Variants in EXT2 observed in about 807,000 individuals in gnomAD.
EXT2 encodes the protein exostosin-2.
EXT2 carries 53 observed loss-of-function variants against 81.6 expected under a neutral mutation model. The ratio of observed to expected loss-of-function variants is 0.65; its 90% CI spans 0.52 to 0.82. EXT2 has a LOEUF of 0.82. Among genes scored for constraint, EXT2 ranks in the 40% least tolerant of loss-of-function variants. The pLI is 0.00. For synonymous variants in EXT2, 320 were observed against 340.0 expected (o/e 0.94, Z 0.65); for missense variants, 774 against 910.2 (o/e 0.85, Z 1.93).
chr11:44,108,843 G>A (rs1460407994), intron 2 of EXT2, among the ~76,000 whole-genome samples: 3 of 152,022 alleles, frequency 2.0e-5, no homozygotes, highest in East Asian at 1.9e-4. Flanking sequence ...AACTTTAAGG[G>A]TTGCATAGTA....
chr11:44,178,600 C>T (rs968104095), intron 8 of EXT2, among the ~76,000 whole-genome samples: 5 of 152,154 alleles, frequency 3.3e-5, no homozygotes, highest in African/African-American at 7.2e-5. Context: ...ATAAATCACT[C>T]TGCAAGCTGA....
chr11:44,223,712 G>A (rs1168315477), intron 10 of EXT2, among the ~76,000 whole-genome samples: 3 of 149,466 alleles, frequency 2.0e-5, no homozygotes, highest in African/African-American at 7.4e-5. Context: ...GTGTAGTGGC[G>A]TGATCTCCGC....
chr11:44,112,152 T>C (rs1042006248), intron 3 of EXT2, among the ~76,000 whole-genome samples: 3 of 152,300 alleles, frequency 2.0e-5, no homozygotes, highest in Non-Finnish European at 2.9e-5. Flanking sequence ...AGCCTCACTG[T>C]GTTTAGGCAC....
intron 10 of EXT2, among the ~76,000 whole-genome samples, chr11:44,210,591 ATGGTTTTAC>A (rs1408674922): frequency 6.6e-6 from 1 of 152,158 alleles, no homozygotes; most frequent in African/African-American, 2.4e-5. Flanking sequence ...AATTGGGGTA[ATGGTTTTAC>A]TGGTGTATAC....
At chr11:44,231,850 A>T (rs1354216305) in intron 10 of EXT2, among the ~76,000 whole-genome samples, 2 of 152,200 alleles carry the variant, frequency 1.3e-5, no homozygotes, top group African/African-American at 4.8e-5. Context: ...ACAGAATCAG[A>T]CAGCCCTTCT....
At chr11:44,171,530 C>G in intron 7 of EXT2, 81 bp from the exon 8 acceptor site, 1 of 1,605,442 alleles carries the variant, frequency 6.2e-7, no homozygotes, top group South Asian at 1.1e-5. Context: ...TTAGCCTAAC[C>G]TGGAGTTGAC....
intron 6 of EXT2, among the ~76,000 whole-genome samples, chr11:44,128,069 C>G (rs1954435589): frequency 6.6e-6 from 1 of 152,272 alleles, no homozygotes; most frequent in African/African-American, 2.4e-5. Flanking sequence ...CCTCTCCCAA[C>G]TTTTTTGGTA....
chr11:44,191,947 G>A (rs1052013185), intron 8 of EXT2, among the ~76,000 whole-genome samples: 6 of 152,208 alleles, frequency 3.9e-5, no homozygotes, highest in African/African-American at 2.4e-5. Flanking sequence ...AGAGCATAAC[G>A]GTAGCCATGT....
rs1954089010 is a variant in EXT2, at chr11:44,108,179, C to T, written c.467C>T (p.Ser156Phe). 1 of 1,613,978 alleles carries T rather than the reference C, an allele frequency of 6.2e-7. No homozygotes were observed. ...DINRACLFVP[S>F]IDVLNQNTLR... is the part of the protein sequence containing the mutation. The stretch of plus-strand genomic sequence containing the variant: ...AACCGGGCCTGTCTGTTTGTTCCCT[C>T]CATCGATGTGCTTAACCAGAACACA... Residue 156 changes from serine to phenylalanine, a missense_variant, in exon 2 of 14, where the codon TCC becomes TTC. Ser to Phe is a radical substitution (Grantham distance 155). This residue lies in a region of EXT2 where 626 missense variants were observed against 670.5 expected (regional missense o/e 0.93). Coordinates refer to ENST00000533608, the MANE Select transcript of EXT2 (RefSeq NM_207122.2).
chr11:44,107,883 T>C lies in EXT2; in HGVS notation c.171T>C (p.Asn57=), dbSNP rs781702968. The change falls in exon 2 of 14, where the codon AAT becomes AAC. Residue 57 remains asparagine, a synonymous_variant. Transcript: ENST00000533608. ...PHSIESSNDW[N]VEKRSIRDVP... is the part of the protein sequence containing the mutation. ...CTATCGAGTCCTCAAATGACTGGAATGTAGAGAAGCGCAGCATCCGTGATG... is the reference window on the plus strand; with the variant it reads ...CTATCGAGTCCTCAAATGACTGGAACGTAGAGAAGCGCAGCATCCGTGATG... 2.5e-6 allele frequency: 4 copies of C among 1,614,196 alleles called. No individual in the cohort carries two copies. In the South Asian group the frequency reaches 4.4e-5, roughly 18 times the overall value.
intron 7 of EXT2, among the ~76,000 whole-genome samples, chr11:44,138,557 T>A (rs1290599118): frequency 1.3e-5 from 2 of 152,122 alleles, no homozygotes; most frequent in Admixed American, 6.5e-5. Flanking sequence ...ATTTTTTTTT[T>A]AATGAAATAT....
chr11:44,139,600 TC>T lies in EXT2; in HGVS notation c.1173+9467del, dbSNP rs1400041005. ...CCCATTTTGCTGCCTCTGCCTCCCT[TC>T]CCCCATTTCTTTCTAGCCAGCTCCA... is the stretch of plus-strand genomic sequence containing the variant. On this transcript the variant is annotated intron_variant, in intron 7 of 13. Transcript: ENST00000533608. 2.0e-5 allele frequency among the ~76,000 whole-genome samples: 3 copies of T among 152,168 alleles called. No homozygotes were observed. The South Asian group carries it at 6.2e-4, about 32-fold the overall frequency.
chr11:44,158,161 C>T (rs1467918165), intron 7 of EXT2, among the ~76,000 whole-genome samples: 1 of 152,206 alleles, frequency 6.6e-6, no homozygotes, highest in Admixed American at 6.5e-5. Flanking sequence ...CTGTGAGCTG[C>T]ACTGCCTGAG....
At chr11:44,217,737 AAAAAGCAAC>A (rs2135230580) in intron 10 of EXT2, among the ~76,000 whole-genome samples, 1 of 152,288 alleles carries the variant, frequency 6.6e-6, no homozygotes, top group South Asian at 2.1e-4. Context: ...GCTGGGAAAT[AAAAAGCAAC>A]TTATTCCTCC....
intron 8 of EXT2, among the ~76,000 whole-genome samples, chr11:44,173,563 C>CTTTTTTTTTTTTT (rs66702988): frequency 3.0e-5 from 3 of 100,070 alleles, no homozygotes; most frequent in Non-Finnish European, 4.0e-5. Context: ...TTCTTTCTTT[C>CTTTTTTTTTTTTT]TTTTTTTTTT....
intron 9 of EXT2, among the ~76,000 whole-genome samples, chr11:44,206,074 GA>G (rs1471418790): frequency 6.6e-6 from 1 of 152,152 alleles, no homozygotes. Context: ...ATTGGACCTA[GA>G]AATTTGATAT....
chr11:44,182,708 G>A (rs768135885), intron 8 of EXT2, among the ~76,000 whole-genome samples: 5 of 151,982 alleles, frequency 3.3e-5, no homozygotes, highest in African/African-American at 4.8e-5. Flanking sequence ...CAGATATAAT[G>A]CACCTTTATC....
At chr11:44,123,374 C>G (rs1371104583) in intron 4 of EXT2, among the ~76,000 whole-genome samples, 2 of 152,208 alleles carry the variant, frequency 1.3e-5, no homozygotes, top group Non-Finnish European at 2.9e-5. Context: ...AGATACGTAG[C>G]CCTAGTATTT....
chr11:44,215,716 AAATTC>A lies in EXT2; in HGVS notation c.1662+8759_1662+8763del, dbSNP rs148076155. On this transcript the variant is annotated intron_variant, in intron 10 of 13. Transcript: ENST00000533608. ...AGCCTTTGTCATTTCTGTAATAGTT[AAATTC>A]ATTATCCTACTTAAAATTAAAAATG... 4.9e-3 allele frequency among the ~76,000 whole-genome samples: 741 copies of A among 152,274 alleles called. 7 individuals are homozygous for A. The highest frequency in any genetic ancestry group is 0.043 in the East Asian group (224 of 5,184).
Sources: gnomAD v4.1 joint callset for allele counts (sites outside exome capture counted in the v4.1 genomes callset) on GRCh38, gnomAD v4.1.1 for gene constraint, gnomAD v4.1.1 regional missense constraint, MANE v1.5 for transcripts, NCBI Gene and HGNC (gene_info 2026-07-23, HGNC 2026-07-21) for gene names.